ZNF331: variants seen among roughly 807,000 people sequenced by gnomAD.
The protein encoded by ZNF331 is zinc finger protein 331.
Under a neutral mutation model 7.0 loss-of-function variants are expected in ZNF331, and 2 were observed. The observed-to-expected ratio is 0.29, with a 90% CI of 0.12 to 0.90. The LOEUF (loss-of-function observed/expected upper bound fraction) is 0.90, where lower values mean the gene tolerates loss of function less well. Ranked by LOEUF, ZNF331 falls within the 40% of genes least tolerant of loss-of-function variation. ZNF331 has a pLI of 0.58. For synonymous variants in ZNF331, 196 were observed against 205.4 expected (o/e 0.95, Z 0.39); for missense variants, 432 against 587.7 (o/e 0.74, Z 2.74).
At chr19:53,548,112 C>G (rs1350977565) in intron 2 of ZNF331, among the ~76,000 whole-genome samples, 2 of 148,706 alleles carry the variant, frequency 1.3e-5, no homozygotes, top group Non-Finnish European at 3.0e-5. Context: ...CTTTTCTTTT[C>G]TTTTCTTTTT....
rs374979652 is a variant in ZNF331 at position 53,546,675 on chromosome 19, A to T, written c.-138+7393A>T. Among the ~76,000 whole-genome samples, 38 of 152,242 alleles carry T rather than the reference A, an allele frequency of 2.5e-4. 1 individual carries two copies. The South Asian group carries it at 7.9e-3, about 32-fold the overall frequency. ...ATCTTTGGTCTTTTCCATGGGACTG[A>T]TTTTTAGAGCACAAGAAAAGAGAAA... On this transcript the variant is annotated intron_variant, in intron 2 of 5. Transcript: ENST00000449416.
At chr19:53,544,416 G>T (rs2088439952) in intron 2 of ZNF331, among the ~76,000 whole-genome samples, 1 of 150,018 alleles carries the variant, frequency 6.7e-6, no homozygotes, top group South Asian at 2.1e-4. Flanking sequence ...GAGGTAGTGG[G>T]CACCTGTAGT....
At position 53,558,053 on chromosome 19, in the gene ZNF331, A is replaced by G. The variant is rs2089548801; in HGVS notation, c.-74+2145A>G. Reference sequence around the variant, plus strand: ...GGATGTCCTGCAGTTCAGTTCTGACACCATCTACCTGGAGATGGCATCAGA... The same window carrying G: ...GGATGTCCTGCAGTTCAGTTCTGACGCCATCTACCTGGAGATGGCATCAGA... On this transcript the variant is annotated intron_variant, in intron 3 of 5. Coordinates refer to ENST00000449416, the MANE Select transcript of ZNF331 (RefSeq NM_001079906.2). This position sits in a 1 kb window ranked among gnomAD's most constrained non-coding sequence, Gnocchi z 4.5. 2.0e-5 allele frequency among the ~76,000 whole-genome samples: 3 copies of G among 152,250 alleles called. No homozygotes were observed. Among genetic ancestry groups the G allele is most frequent in the African/African-American group, 7.2e-5 (3 of 41,552 alleles).
At chr19:53,552,801 A>G (rs1282969757) in intron 2 of ZNF331, among the ~76,000 whole-genome samples, 3 of 152,166 alleles carry the variant, frequency 2.0e-5, no homozygotes, top group African/African-American at 7.2e-5. Flanking sequence ...AATGTTACTG[A>G]TCTTCAATAG....
intron 3 of ZNF331, among the ~76,000 whole-genome samples, chr19:53,561,027 G>C (rs1304511692): frequency 6.6e-6 from 1 of 152,108 alleles, no homozygotes; most frequent in Non-Finnish European, 1.5e-5. Context: ...GCGTGGTAAT[G>C]TGCAACTGTG....
upstream of ZNF331, among the ~76,000 whole-genome samples, chr19:53,536,019 G>T (rs528425678): frequency 6.6e-5 from 10 of 152,012 alleles, no homozygotes; most frequent in Admixed American, 3.3e-4. Context: ...GCCCAGGTTG[G>T]TCTTGAACTT....
At chr19:53,543,983 C>G (rs2088368010) in intron 2 of ZNF331, among the ~76,000 whole-genome samples, 1 of 152,132 alleles carries the variant, frequency 6.6e-6, no homozygotes, top group South Asian at 2.1e-4. Context: ...AATCCCAGCA[C>G]TTTGGGAGGT....
rs2090760730 is a variant in ZNF331, at chr19:53,577,159, C to T, written c.599C>T (p.Ser200Leu). Residue 200 changes from serine to leucine, a missense_variant, in exon 6 of 6, where the codon TCA (serine) becomes TTA (leucine). This residue lies in a region of ZNF331 where 312 missense variants were observed against 448.6 expected (regional missense o/e 0.70). Coordinates refer to ENST00000449416, the MANE Select transcript of ZNF331 (RefSeq NM_001079906.2). ...KDCGKAFRWG[S>L]SLVIHKRIHT... Reference sequence around the variant, plus strand: ...TGTGGGAAGGCTTTTCGATGGGGCTCAAGCCTCGTTATTCATAAGAGGATT... The same window carrying T: ...TGTGGGAAGGCTTTTCGATGGGGCTTAAGCCTCGTTATTCATAAGAGGATT... 1.9e-6 allele frequency: 3 copies of T among 1,613,922 alleles called. No individual in the cohort carries two copies. The highest frequency in any genetic ancestry group is 2.5e-6 in the Non-Finnish European group (3 of 1,179,992).
At chr19:53,557,038 G>A (rs1321858819) in intron 3 of ZNF331, among the ~76,000 whole-genome samples, 3 of 132,560 alleles carry the variant, frequency 2.3e-5, no homozygotes, top group Non-Finnish European at 3.1e-5. Flanking sequence ...CAGGCTGGTC[G>A]TGAACTCCTG....
chr19:53,547,190 ATCT>A (rs1277739985), intron 2 of ZNF331, among the ~76,000 whole-genome samples: 3 of 151,930 alleles, frequency 2.0e-5, no homozygotes, highest in African/African-American at 7.3e-5. Context: ...ATCTCCTTTA[ATCT>A]TCTCATTCCC....
At chr19:53,525,791 T>C (rs1000886763) in intron 2 of ZNF331, among the ~76,000 whole-genome samples, 2 of 152,254 alleles carry the variant, frequency 1.3e-5, no homozygotes, top group African/African-American at 2.4e-5. Context: ...TTCTTTTTGT[T>C]GCCTAATTGC....
the ZNF331 span, among the ~76,000 whole-genome samples, chr19:53,507,446 T>G: frequency 6.6e-6 from 1 of 152,008 alleles, no homozygotes; most frequent in Non-Finnish European, 1.5e-5. Flanking sequence ...GGGAGGAAAA[T>G]GGACCGGCCC....
Position 53,577,826 on chromosome 19 carries a change from C to T in ZNF331, c.1266C>T (p.His422=), listed in dbSNP as rs759023253. ...CAGAATGTGGGAAGAGCTTTAGTCA[C>T]GGCCATCAGCTTACACAACATCAGA... The part of the protein sequence containing the change: ...GCTECGKSFS[H]GHQLTQHQKT... Residue 422 remains histidine, a synonymous_variant, in exon 6 of 6, where the codon CAC becomes CAT. Coordinates refer to ENST00000449416, the MANE Select transcript of ZNF331 (RefSeq NM_001079906.2). The T allele has an allele frequency of 2.1e-5, 34 of 1,613,540 alleles. No homozygotes were observed. The highest frequency in any genetic ancestry group is 1.1e-4 in the South Asian group (10 of 91,050).
chr19:53,562,903 G>A (rs536626356), intron 3 of ZNF331, among the ~76,000 whole-genome samples: 5 of 150,962 alleles, frequency 3.3e-5, no homozygotes, highest in African/African-American at 4.9e-5. Flanking sequence ...CAGGAGAATC[G>A]CTTGAACTCG....
Position 53,579,076 on chromosome 19 carries a change from G to C in ZNF331, c.*1124G>C, listed in dbSNP as rs1337178533. On this transcript the variant is annotated 3_prime_UTR_variant, in exon 6 of 6. Transcript: ENST00000449416. ...GCCCTCCCAAAGTGCTAGGATTACA[G>C]GCGTGAGCCACTGCACCTAGCCCAC... The C allele has an allele frequency of 5.2e-6, 1 of 191,784 alleles. No individual in the cohort carries two copies. The highest frequency in any genetic ancestry group is 1.1e-5 in the Non-Finnish European group (1 of 91,786). 11.9% of individuals were successfully genotyped at this position (191,784 alleles called of 1,614,324 possible). A position where few individuals can be genotyped will look rare whatever the true frequency, so the allele number is the denominator to read the frequency against.
rs2090441730 is a variant in ZNF331 at position 53,571,458 on chromosome 19, A to C, written c.10-146A>C. 1 of 926,238 alleles carries C rather than the reference A, an allele frequency of 1.1e-6. No homozygotes were observed. The highest frequency in any genetic ancestry group is 1.6e-6 in the Non-Finnish European group (1 of 606,718). 57.4% of individuals were successfully genotyped at this position (926,238 alleles called of 1,614,324 possible). A position where few individuals can be genotyped will look rare whatever the true frequency, so the allele number is the denominator to read the frequency against. ...GGCATTCTGCTTCCGTCACAGTTAC[A>C]GTGATGTCCTTACCGCCCCTTGCCG... On this transcript the variant is annotated intron_variant, in intron 4 of 5. Transcript: ENST00000449416. The surrounding 1 kb of genome is among the most constrained non-coding windows in gnomAD (Gnocchi z 4.7).
Position 53,577,260 on chromosome 19 carries a change from C to G in ZNF331, c.700C>G (p.Gln234Glu). The G allele has an allele frequency of 6.8e-6, 11 of 1,613,688 alleles. No homozygotes were observed. Among genetic ancestry groups the G allele is most frequent in the Non-Finnish European group, 9.3e-6 (11 of 1,179,926 alleles). The change falls in exon 6 of 6, where the codon CAG (glutamine) becomes GAG (glutamate). Residue 234 changes from glutamine (Q) to glutamate (E), a missense_variant. Around this residue, in one of 3 missense-constraint regions of ZNF331, gnomAD observed 312 missense variants for 448.6 expected, o/e 0.70. Coordinates refer to ENST00000449416, the MANE Select transcript of ZNF331 (RefSeq NM_001079906.2). ...GCGTGGTGATGAGCTCACTCAGCAC[C>G]AGAGATTCCACACTGGGGAGAAAGA... ...FRRGDELTQHQRFHTGEKDYE... is the reference protein window; with the variant it reads ...FRRGDELTQHERFHTGEKDYE...
intron 2 of ZNF331, among the ~76,000 whole-genome samples, chr19:53,530,174 C>T (rs149813676): frequency 1.5e-3 from 223 of 152,098 alleles, no homozygotes; most frequent in African/African-American, 5.2e-3. Context: ...GCGGGAGGTG[C>T]GGGGGATGCC....
At chr19:53,541,373 T>C (rs1293380229) in intron 2 of ZNF331, among the ~76,000 whole-genome samples, 1 of 152,204 alleles carries the variant, frequency 6.6e-6, no homozygotes, top group Admixed American at 6.5e-5. Flanking sequence ...CCCAAAGTGC[T>C]GGGATTACAG....
Sources: gnomAD v4.1 joint callset for allele counts (sites outside exome capture counted in the v4.1 genomes callset) on GRCh38, gnomAD v4.1.1 for gene constraint, gnomAD v4.1.1 regional missense constraint, Gnocchi (gnomAD v3.1) non-coding constraint, MANE v1.5 for transcripts, NCBI Gene and HGNC (gene_info 2026-07-23, HGNC 2026-07-21) for gene names.